Variants in ATL3 observed in about 807,000 individuals in gnomAD.
ATL3 encodes atlastin GTPase 3.
A neutral mutation model predicts 69.5 loss-of-function variants in ATL3; 49 were observed. That is an observed-to-expected ratio of 0.71 (90% CI 0.56 to 0.89). The LOEUF is 0.89. ATL3 is among the 40% of genes least tolerant of loss of function. The pLI is 0.00. For missense variants in ATL3, 606 were observed against 645.7 expected (o/e 0.94, Z 0.67); for synonymous variants, 214 against 224.1 (o/e 0.95, Z 0.40).
intron 1 of ATL3, among the ~76,000 whole-genome samples, chr11:63,669,898 A>G (rs1424984329): frequency 6.6e-6 from 1 of 152,054 alleles, no homozygotes; most frequent in Non-Finnish European, 1.5e-5. Context: ...CAGTGAGCCG[A>G]GACTGCGCCA....
At chr11:63,635,666 G>A in intron 9 of ATL3, 76 bp from the exon 10 acceptor site, 1 of 1,195,558 alleles carries the variant, frequency 8.4e-7, no homozygotes, top group African/African-American at 1.5e-5. Context: ...TTTAGAAAGT[G>A]ACCATACAAC....
At chr11:63,635,427 G>A in intron 10 of ATL3, 107 bp downstream of exon 10, 1 of 980,618 alleles carries the variant, frequency 1.0e-6, no homozygotes, top group Non-Finnish European at 1.5e-6. Flanking sequence ...TCAGCATGAT[G>A]AAAAAGGAGA....
At chr11:63,649,853 A>G (rs950895545) in intron 5 of ATL3, among the ~76,000 whole-genome samples, 3 of 152,160 alleles carry the variant, frequency 2.0e-5, no homozygotes, top group African/African-American at 7.2e-5. Context: ...TCCTAACACC[A>G]TTTATTGACT....
rs929092100 is a variant in ATL3, at chr11:63,625,005, C to G, written c.*4314G>C. The stretch of plus-strand genomic sequence containing the variant: ...ACAGCCCATACCACCTGAGGCAATC[C>G]CTGGGTACAAAGCTAGGAATCTGAA... On this transcript the variant is annotated 3_prime_UTR_variant, in exon 13 of 13. Transcript: ENST00000398868. 6.6e-6 allele frequency: 1 copy of G among 152,070 alleles called. No individual in the cohort carries two copies. Among genetic ancestry groups the G allele is most frequent in the African/African-American group, 2.4e-5 (1 of 41,396 alleles). 9.4% of individuals were successfully genotyped at this position (152,070 alleles called of 1,614,324 possible).
chr11:63,654,295 C>T (rs190737636), intron 3 of ATL3, among the ~76,000 whole-genome samples: 17,817 of 149,836 alleles, frequency 0.12, 1,169 homozygotes, highest in Middle Eastern at 0.17. Context: ...TATAGACGCC[C>T]GCCACCACGC....
chr11:63,647,858 A>G (rs1939935422), intron 5 of ATL3, among the ~76,000 whole-genome samples: 2 of 152,356 alleles, frequency 1.3e-5, no homozygotes, highest in Non-Finnish European at 2.9e-5. Context: ...GAACTGTCTC[A>G]AGTTTTGGCT....
chr11:63,642,148 T>C (rs1019270439), intron 8 of ATL3, among the ~76,000 whole-genome samples: 2 of 152,152 alleles, frequency 1.3e-5, no homozygotes. Flanking sequence ...GCTTTTCAGG[T>C]AAAAGGTTCT....
At chr11:63,655,550 C>A (rs774937889) in intron 3 of ATL3, among the ~76,000 whole-genome samples, 1 of 151,468 alleles carries the variant, frequency 6.6e-6, no homozygotes, top group East Asian at 2.0e-4. Context: ...CGGGTTCCAG[C>A]GATTCTCCCA....
rs79400466 is a variant in ATL3, at chr11:63,629,551, C to T, written c.1540-146G>A. The T allele has an allele frequency of 2.3e-4, 157 of 687,988 alleles. No homozygotes were observed. The African/African-American group carries it at 2.6e-3, about 11-fold the overall frequency. 42.6% of individuals were successfully genotyped at this position (687,988 alleles called of 1,614,324 possible). A position where few individuals can be genotyped will look rare whatever the true frequency, so the allele number is the denominator to read the frequency against. On this transcript the variant is annotated intron_variant, in intron 12 of 12. Transcript: ENST00000398868. Reference sequence around the variant, plus strand: ...ATGAAAATGCAGGGATACAGAGAGGCTGTGGCAGCAGCTAACTCCCAAGAG... The same window carrying T: ...ATGAAAATGCAGGGATACAGAGAGGTTGTGGCAGCAGCTAACTCCCAAGAG...
chr11:63,658,047 AG>A (rs1940312202), intron 3 of ATL3, among the ~76,000 whole-genome samples: 1 of 152,018 alleles, frequency 6.6e-6, no homozygotes, highest in Admixed American at 6.6e-5. Context: ...TAGTAGAGAC[AG>A]GGTTTCACTA....
chr11:63,631,396 G>C lies in ATL3; in HGVS notation c.1183C>G (p.Leu395Val). 2 of 1,614,178 alleles carry C rather than the reference G, an allele frequency of 1.2e-6. No homozygotes were observed. ...EKHCEFKQLA[L>V]DHFKKTKKMG... Reference sequence around the variant, plus strand: ...TTCTTGGTCTTCTTAAAATGGTCCAGAGCAAGTTGTTTGAATTCACAGTGC... The same window carrying C: ...TTCTTGGTCTTCTTAAAATGGTCCACAGCAAGTTGTTTGAATTCACAGTGC... Residue 395 changes from leucine (L) to valine (V), a missense_variant, in exon 12 of 13, where the codon CTG (leucine) becomes GTG (valine). Transcript: ENST00000398868.
At chr11:63,669,911 G>A (rs1401667213) in intron 1 of ATL3, among the ~76,000 whole-genome samples, 1 of 151,930 alleles carries the variant, frequency 6.6e-6, no homozygotes, top group Non-Finnish European at 1.5e-5. Flanking sequence ...CTGCGCCACT[G>A]TACTCCAGTT....
chr11:63,633,587 T>C (rs946707858), intron 10 of ATL3, among the ~76,000 whole-genome samples: 9 of 151,742 alleles, frequency 5.9e-5, no homozygotes, highest in Non-Finnish European at 4.4e-5. Context: ...TCTCCCTATA[T>C]TGCCCAAGCT....
At chr11:63,634,048 A>C (rs935477511) in intron 10 of ATL3, among the ~76,000 whole-genome samples, 19 of 150,134 alleles carry the variant, frequency 1.3e-4, no homozygotes, top group Admixed American at 4.0e-4. Context: ...CAAAAAAAAA[A>C]AAAAAAAAAA....
intron 5 of ATL3, among the ~76,000 whole-genome samples, chr11:63,651,130 G>A (rs974143861): frequency 1.3e-5 from 2 of 151,978 alleles, no homozygotes; most frequent in South Asian, 2.1e-4. Context: ...GCATTTTGTG[G>A]GAAAAACAGA....
At position 63,643,589 on chromosome 11, in the gene ATL3, C is replaced by G. The variant is rs998479865; in HGVS notation, c.712-94G>C. On this transcript the variant is annotated intron_variant, in intron 7 of 12. Transcript: ENST00000398868. Reference sequence around the variant, plus strand: ...TAAGGACAAAGGAAAGAAGACTCCTCAACTCTGATGGATCATAGTGGCCAA... The same window carrying G: ...TAAGGACAAAGGAAAGAAGACTCCTGAACTCTGATGGATCATAGTGGCCAA... The G allele has an allele frequency of 6.0e-6, 7 of 1,171,372 alleles. No homozygotes were observed. In the African/African-American group the frequency reaches 1.1e-4, roughly 18 times the overall value. 72.6% of individuals were successfully genotyped at this position (1,171,372 alleles called of 1,614,324 possible).
intron 1 of ATL3, among the ~76,000 whole-genome samples, chr11:63,659,935 C>T (rs897677306): frequency 6.6e-6 from 1 of 151,958 alleles, no homozygotes; most frequent in African/African-American, 2.4e-5. Flanking sequence ...GACCCTGTCT[C>T]AAGTTAATGG....
chr11:63,662,776 G>A (rs1249890068), intron 1 of ATL3, among the ~76,000 whole-genome samples: 1 of 152,148 alleles, frequency 6.6e-6, no homozygotes, highest in Non-Finnish European at 1.5e-5. Flanking sequence ...ACCCAGCCAA[G>A]AAGTCAATTT....
At chr11:63,671,038 A>C (rs942404869) in intron 1 of ATL3, among the ~76,000 whole-genome samples, 1 of 152,112 alleles carries the variant, frequency 6.6e-6, no homozygotes, top group African/African-American at 2.4e-5. Context: ...CGGCGGCACC[A>C]GGGCCCGAGC....
Sources: gnomAD v4.1 joint callset for allele counts (sites outside exome capture counted in the v4.1 genomes callset) on GRCh38, gnomAD v4.1.1 for gene constraint, MANE v1.5 for transcripts, NCBI Gene and HGNC (gene_info 2026-07-23, HGNC 2026-07-21) for gene names.